The following RHOT1 variants were observed in gnomAD, a reference collection of about 807,000 sequenced individuals.
RHOT1 encodes the protein ras homolog family member T1.
A neutral mutation model predicts 95.3 loss-of-function variants in RHOT1; 27 were observed. That is an observed-to-expected ratio of 0.28 (90% CI 0.21 to 0.39). RHOT1 has a LOEUF of 0.39. Ranked by LOEUF, RHOT1 falls within the 10% of genes least tolerant of loss-of-function variation. The pLI is 1.00. For synonymous variants in RHOT1, 227 were observed against 263.5 expected, an observed-to-expected ratio of 0.86 and a Z score of 1.34; for missense variants, 578 against 786.7, an observed-to-expected ratio of 0.73 and a Z score of 3.17.
intron 19 of RHOT1, among the ~76,000 whole-genome samples, chr17:32,218,920 G>T (rs992926499): frequency 6.6e-6 from 1 of 152,084 alleles, no homozygotes; most frequent in South Asian, 2.1e-4. Flanking sequence ...GCTAAATATG[G>T]TATCTCTGTG....
intron 8 of RHOT1, among the ~76,000 whole-genome samples, chr17:32,189,795 C>T (rs1361178870): frequency 1.6e-4 from 23 of 142,544 alleles, no homozygotes; most frequent in Admixed American, 6.5e-4. Context: ...TGCAATGGCA[C>T]GATCTCAGCT....
intron 18 of RHOT1, chr17:32,209,744 T>C: frequency 5.1e-6 from 1 of 196,514 alleles, no homozygotes. Context: ...ATGGACCACT[T>C]GTTTATATGG....
chr17:32,174,942 C>G (rs778568905), intron 3 of RHOT1, among the ~76,000 whole-genome samples: 3 of 152,092 alleles, frequency 2.0e-5, no homozygotes, highest in Non-Finnish European at 4.4e-5. Flanking sequence ...CTTGTATTAC[C>G]CAGAATCTCA....
At chr17:32,192,740 C>T (rs553849867) in intron 9 of RHOT1, among the ~76,000 whole-genome samples, 12 of 149,748 alleles carry the variant, frequency 8.0e-5, no homozygotes, top group Non-Finnish European at 1.8e-4. Flanking sequence ...GGCGCCATCT[C>T]GGCTCACTGC....
intron 1 of RHOT1, among the ~76,000 whole-genome samples, chr17:32,156,992 T>C (rs1270372951): frequency 6.6e-6 from 1 of 152,268 alleles, no homozygotes; most frequent in Admixed American, 6.5e-5. Flanking sequence ...ATGACTTGCC[T>C]GAAGAAGCAC....
intron 11 of RHOT1, among the ~76,000 whole-genome samples, chr17:32,195,564 C>T (rs1245722132): frequency 6.6e-6 from 1 of 152,192 alleles, no homozygotes; most frequent in African/African-American, 2.4e-5. Context: ...TTCCCAGGAT[C>T]TGGCCTCAGA....
chr17:32,175,600 G>A (rs139664749), intron 4 of RHOT1, among the ~76,000 whole-genome samples: 23 of 152,218 alleles, frequency 1.5e-4, no homozygotes, highest in African/African-American at 5.5e-4. Context: ...GGGATTACAG[G>A]CATGCACCAC....
intron 9 of RHOT1, among the ~76,000 whole-genome samples, chr17:32,192,780 T>A (rs958440024): frequency 6.6e-6 from 1 of 151,712 alleles, no homozygotes. Context: ...CAAGCGATTC[T>A]CCTGCCTCAG....
chr17:32,162,595 C>T (rs140687050), intron 1 of RHOT1, among the ~76,000 whole-genome samples: 23 of 152,296 alleles, frequency 1.5e-4, no homozygotes, highest in African/African-American at 5.3e-4. Flanking sequence ...TCGAAAATAA[C>T]AGCAGTACCA....
At chr17:32,168,658 G>A (rs899884139) in intron 1 of RHOT1, among the ~76,000 whole-genome samples, 7 of 148,968 alleles carry the variant, frequency 4.7e-5, no homozygotes, top group East Asian at 3.9e-4. Context: ...TTATATATAC[G>A]CCTCATAAAT....
intron 1 of RHOT1, chr17:32,150,864 C>G (rs1268311421): frequency 2.0e-6 from 3 of 1,531,412 alleles, no homozygotes; most frequent in Middle Eastern, 1.7e-4. Flanking sequence ...AATCTGAAAC[C>G]ACGGGAGAAA....
chr17:32,207,823 A>G (rs1440555368), intron 17 of RHOT1, among the ~76,000 whole-genome samples: 5 of 149,680 alleles, frequency 3.3e-5, no homozygotes, highest in Non-Finnish European at 5.9e-5. Flanking sequence ...ATTTCAAAAT[A>G]TGTGTGTTTA....
intron 1 of RHOT1, 160 bp downstream of exon 1, chr17:32,142,889 C>T (rs2030591661): frequency 2.6e-6 from 2 of 759,904 alleles, no homozygotes; most frequent in East Asian, 5.4e-5. Flanking sequence ...GGCCTTCCAG[C>T]CCCTTCACTC....
intron 1 of RHOT1, chr17:32,150,940 G>GT: frequency 6.5e-7 from 1 of 1,549,964 alleles, no homozygotes; most frequent in Non-Finnish European, 8.8e-7. Flanking sequence ...AAGGTATCTG[G>GT]TTTGGTTGCT....
At chr17:32,149,635 A>ATGTATGTGTGTGTGTGTG (rs2031990846) in intron 1 of RHOT1, among the ~76,000 whole-genome samples, 1 of 59,076 alleles carries the variant, frequency 1.7e-5, no homozygotes, top group Non-Finnish European at 3.4e-5. Flanking sequence ...ATATATATAT[A>ATGTATGTGTGTGTGTGTG]TGTGTGTGTG....
intron 1 of RHOT1, among the ~76,000 whole-genome samples, chr17:32,162,618 C>G (rs1196631773): frequency 2.0e-5 from 3 of 152,124 alleles, no homozygotes; most frequent in Non-Finnish European, 4.4e-5. Context: ...GTGCTTGGGC[C>G]AGGTGAAATC....
chr17:32,206,957 T>C lies in RHOT1; in HGVS notation c.1464T>C (p.Ile488=). The C allele has an allele frequency of 6.2e-7, 1 of 1,608,826 alleles. No homozygotes were observed. Among genetic ancestry groups the C allele is most frequent in the African/African-American group, 1.3e-5 (1 of 74,812 alleles). Residue 488 remains isoleucine, a synonymous_variant, in exon 17 of 20, where the codon ATT becomes ATC. Transcript: ENST00000545287. ...AATTTCTAACTGAAGCTGAAATCAT[T>C]TGTGATGTTGTATGCCTGGTATATG... ...ESEFLTEAEI[I]CDVVCLVYDV...
At chr17:32,213,208 A>G (rs993134255) in intron 19 of RHOT1, among the ~76,000 whole-genome samples, 16 of 152,230 alleles carry the variant, frequency 1.1e-4, no homozygotes, top group African/African-American at 3.1e-4. Flanking sequence ...AGATACATAT[A>G]TATCTCTATT....
chr17:32,151,885 A>C (rs1008011460), intron 1 of RHOT1, among the ~76,000 whole-genome samples: 4 of 151,206 alleles, frequency 2.6e-5, no homozygotes, highest in Non-Finnish European at 4.4e-5. Flanking sequence ...CCGTCTCAAA[A>C]AAAAAAAAAA....
Sources: gnomAD v4.1 joint callset for allele counts (sites outside exome capture counted in the v4.1 genomes callset) on GRCh38, gnomAD v4.1.1 for gene constraint, MANE v1.5 for transcripts, NCBI Gene and HGNC (gene_info 2026-07-23, HGNC 2026-07-21) for gene names.